ZC3H12A: variants seen among roughly 807,000 people sequenced by gnomAD.
ZC3H12A encodes the protein zinc finger CCCH-type containing 12A.
A neutral mutation model predicts 29.9 loss-of-function variants in ZC3H12A; 9 were observed. The ratio of observed to expected loss-of-function variants is 0.30; its 90% CI spans 0.18 to 0.53. ZC3H12A has a LOEUF of 0.53. Ranked by LOEUF, ZC3H12A falls within the 20% of genes least tolerant of loss-of-function variation. The probability of loss-of-function intolerance (pLI) is 0.96; values close to 1 mark genes in which losing one functional copy is unlikely to be tolerated. For synonymous variants in ZC3H12A, 323 were observed against 338.1 expected (o/e 0.96, Z 0.49); for missense variants, 617 against 799.0 (o/e 0.77, Z 2.75).
intron 4 of ZC3H12A, among the ~76,000 whole-genome samples, chr1:37,482,170 G>A (rs1449053690): frequency 6.6e-6 from 1 of 152,204 alleles, no homozygotes; most frequent in Non-Finnish European, 1.5e-5. Flanking sequence ...GGGCCAGTGG[G>A]TGCGGGCTGC....
At chr1:37,482,408 C>G in intron 4 of ZC3H12A, 26 bp from the exon 5 acceptor site, 5 of 1,592,998 alleles carry the variant, frequency 3.1e-6, no homozygotes, top group Non-Finnish European at 4.3e-6. Context: ...CTCCCACCTC[C>G]AGAGAGTTCT....
rs777018503 is a variant in ZC3H12A at position 37,475,776 on chromosome 1, C to A, written c.280C>A (p.Arg94=). The change falls in exon 2 of 6, where the codon CGG becomes AGG. Residue 94 remains arginine (R), a synonymous_variant. Transcript: ENST00000373087. The surrounding 1 kb of genome is among the most constrained non-coding windows in gnomAD (Gnocchi z 5.2). ...GGTGAAACACGGGACAGCCACCGAG[C>A]GGGAGCGCCAGACCTCACCGGACCC... is the stretch of plus-strand genomic sequence containing the variant. ...ELVKHGTATE[R]ERQTSPDPCP... is the part of the protein sequence containing the mutation. The A allele has an allele frequency of 3.7e-6, 6 of 1,613,360 alleles. No homozygotes were observed. The East Asian group carries it at 1.3e-4, about 36-fold the overall frequency.
In ZC3H12A at chr1:37,483,759, A is replaced by C; in HGVS notation, c.*148A>C. Reference sequence around the variant, plus strand: ...TTCAAGTCGGGAAGGAAACCCACAAACCAAAGATACTGTAGGATTGGTTCT... The same window carrying C: ...TTCAAGTCGGGAAGGAAACCCACAACCCAAAGATACTGTAGGATTGGTTCT... On this transcript the variant is annotated 3_prime_UTR_variant, in exon 6 of 6. Transcript: ENST00000373087. 9.4e-7 allele frequency: 1 copy of C among 1,066,366 alleles called. No homozygotes were observed. The highest frequency in any genetic ancestry group is 1.3e-6 in the Non-Finnish European group (1 of 762,310). 66.1% of individuals were successfully genotyped at this position (1,066,366 alleles called of 1,614,324 possible).
chr1:37,482,645 A>T (rs530698376), intron 5 of ZC3H12A, 92 bp from the exon 6 acceptor site: 1 of 1,609,774 alleles, frequency 6.2e-7, no homozygotes, highest in South Asian at 1.1e-5. Flanking sequence ...CCATTGGACC[A>T]CCCAACCCCG....
Position 37,482,464 on chromosome 1 carries a change from G to C in ZC3H12A, c.849G>C (p.Arg283=), listed in dbSNP as rs751345837. ...TGCCCCCTGATGACCCACTGGGCCGGCACGGGCCCAGCCTGGACAACTTCC... is the reference window on the plus strand; with the variant it reads ...TGCCCCCTGATGACCCACTGGGCCGCCACGGGCCCAGCCTGGACAACTTCC... ...KFMPPDDPLG[R]HGPSLDNFLR... is the part of the protein sequence containing the mutation. Residue 283 remains arginine (R), a synonymous_variant, in exon 5 of 6, where the codon CGG becomes CGC. Coordinates refer to ENST00000373087, the MANE Select transcript of ZC3H12A (RefSeq NM_025079.3). 1.2e-6 allele frequency: 2 copies of C among 1,613,984 alleles called. No individual in the cohort carries two copies. The highest frequency in any genetic ancestry group is 1.7e-4 in the Middle Eastern group (1 of 6,060).
In ZC3H12A at chr1:37,483,407, A is replaced by T. The variant is rs1641758454; in HGVS notation, c.1596A>T (p.Pro532=). The change falls in exon 6 of 6, where the codon CCA becomes CCT. Residue 532 remains proline (P), a synonymous_variant. Transcript: ENST00000373087. ...PPPTSVLQEP[P]VQSPGAGRSP... Reference sequence around the variant, plus strand: ...CCACATCAGTCCTTCAGGAGCCCCCAGTGCAGAGCCCAGGGGCTGGCAGGA... The same window carrying T: ...CCACATCAGTCCTTCAGGAGCCCCCTGTGCAGAGCCCAGGGGCTGGCAGGA... 1 of 1,613,834 alleles carries T rather than the reference A, an allele frequency of 6.2e-7. No individual in the cohort carries two copies. The highest frequency in any genetic ancestry group is 1.7e-5 in the Admixed American group (1 of 60,004).
chr1:37,483,892 C>T lies in ZC3H12A; in HGVS notation c.*281C>T, dbSNP rs570246166. ...AAGGAGACGCTGCCGGTAACGGCGT[C>T]GGTCCGTGGCTGAGGCCCAAACCGT... On this transcript the variant is annotated 3_prime_UTR_variant, in exon 6 of 6. Transcript: ENST00000373087. The T allele has an allele frequency of 2.8e-5, 11 of 386,414 alleles. No individual in the cohort carries two copies. The highest frequency in any genetic ancestry group is 7.1e-4 in the Middle Eastern group (1 of 1,414). The allele number at this position is 386,414 out of a possible 1,614,324, so 23.9% of individuals were successfully genotyped here. A position where few individuals can be genotyped will look rare whatever the true frequency, so the allele number is the denominator to read the frequency against.
chr1:37,474,811 CCCAAGTTGGGAGAG>C (rs1641547045), intron 1 of ZC3H12A, among the ~76,000 whole-genome samples, 182 bp downstream of exon 1: 1 of 152,116 alleles, frequency 6.6e-6, no homozygotes, highest in Non-Finnish European at 1.5e-5. Flanking sequence ...TCCAACTTTG[CCCAAGTTGGGAGAG>C]CCGGGGAAGA....
In ZC3H12A at chr1:37,483,259, C is replaced by A. The variant is rs763367213; in HGVS notation, c.1448C>A (p.Ala483Asp). ...PYGSELPATA[A>D]FSAFGRAMGA... ...GGATCTGAGCTCCCAGCCACCGCAG[C>A]CTTCTCTGCCTTTGGCCGGGCCATG... The change falls in exon 6 of 6, where the codon GCC (alanine) becomes GAC (aspartate). Residue 483 changes from alanine to aspartate, a missense_variant. This residue lies in a region of ZC3H12A where 172 missense variants were observed against 203.1 expected (regional missense o/e 0.85). Transcript: ENST00000373087. The A allele has an allele frequency of 9.9e-6, 16 of 1,614,030 alleles. No homozygotes were observed. Among genetic ancestry groups the A allele is most frequent in the East Asian group, 2.2e-5 (1 of 44,878 alleles).
chr1:37,483,845 A>G lies in ZC3H12A; in HGVS notation c.*234A>G. 1 of 563,986 alleles carries G rather than the reference A, an allele frequency of 1.8e-6. No homozygotes were observed. Among genetic ancestry groups the G allele is most frequent in the Non-Finnish European group, 3.1e-6 (1 of 322,682 alleles). The allele number at this position is 563,986 out of a possible 1,614,324, so 34.9% of individuals were successfully genotyped here. On this transcript the variant is annotated 3_prime_UTR_variant, in exon 6 of 6. Coordinates refer to ENST00000373087, the MANE Select transcript of ZC3H12A (RefSeq NM_025079.3). ...GGTCAGAAGCGATCACCCTGTTGAT[A>G]CACATTGTATCTCTGTAGTTTAAGG...
rs765016854 is a variant in ZC3H12A at position 37,475,709 on chromosome 1, G to A, written c.213G>A (p.Lys71=). Residue 71 remains lysine (K), a synonymous_variant, in exon 2 of 6, where the codon AAG becomes AAA. Coordinates refer to ENST00000373087, the MANE Select transcript of ZC3H12A (RefSeq NM_025079.3). The surrounding 1 kb of genome is among the most constrained non-coding windows in gnomAD (Gnocchi z 5.2). ...SSTEIHSVLQ[K]LGVQADTNTV... ...CGGAGATCCACAGCGTCCTGCAGAAGCTGGGCGTCCAGGCAGACACCAACA... is the reference window on the plus strand; with the variant it reads ...CGGAGATCCACAGCGTCCTGCAGAAACTGGGCGTCCAGGCAGACACCAACA... 3 of 1,614,150 alleles carry A rather than the reference G, an allele frequency of 1.9e-6. No individual in the cohort carries two copies. Among genetic ancestry groups the A allele is most frequent in the South Asian group, 2.2e-5 (2 of 91,090 alleles).
In ZC3H12A at chr1:37,475,970, G is replaced by T. The variant is rs760686984; in HGVS notation, c.443+31G>T. ...TGTCACTTCTGTGGCCAGGACACAT[G>T]AGGTTCGCATCTCTCCTGTGGCCAG... On this transcript the variant is annotated intron_variant, in intron 2 of 5. Coordinates refer to ENST00000373087, the MANE Select transcript of ZC3H12A (RefSeq NM_025079.3). The surrounding 1 kb of genome is among the most constrained non-coding windows in gnomAD (Gnocchi z 5.2). 2 of 1,483,630 alleles carry T rather than the reference G, an allele frequency of 1.3e-6. No individual in the cohort carries two copies. Among genetic ancestry groups the T allele is most frequent in the Admixed American group, 2.4e-5 (1 of 42,030 alleles). 91.9% of individuals were successfully genotyped at this position (1,483,630 alleles called of 1,614,324 possible).
chr1:37,482,666 C>T, intron 5 of ZC3H12A, 71 bp from the exon 6 acceptor site: 1 of 1,611,332 alleles, frequency 6.2e-7, no homozygotes, highest in Admixed American at 1.7e-5. Context: ...TTTCCTGTGC[C>T]ACCCCTTCCC....
Position 37,475,344 on chromosome 1 carries a change from T to G in ZC3H12A, c.-38-115T>G, listed in dbSNP as rs1425729843. On this transcript the variant is annotated intron_variant, in intron 1 of 5. Transcript: ENST00000373087. The surrounding 1 kb of genome is among the most constrained non-coding windows in gnomAD (Gnocchi z 5.2). ...GAGCTTTTGAGAGGACAACCTGAACTAATAACACGATGCAGTGTGTAGTGC... is the reference window on the plus strand; with the variant it reads ...GAGCTTTTGAGAGGACAACCTGAACGAATAACACGATGCAGTGTGTAGTGC... 5 of 813,678 alleles carry G rather than the reference T, an allele frequency of 6.1e-6. No homozygotes were observed. The East Asian group carries it at 7.5e-5, about 12-fold the overall frequency. 50.4% of individuals were successfully genotyped at this position (813,678 alleles called of 1,614,324 possible). A position where few individuals can be genotyped will look rare whatever the true frequency, so the allele number is the denominator to read the frequency against.
rs753581402 is a variant in ZC3H12A at position 37,476,539 on chromosome 1, C to A, written c.443+600C>A. Among the ~76,000 whole-genome samples, 10 of 152,178 alleles carry A rather than the reference C, an allele frequency of 6.6e-5. No homozygotes were observed. Among genetic ancestry groups the A allele is most frequent in the Non-Finnish European group, 1.0e-4 (7 of 68,032 alleles). Reference sequence around the variant, plus strand: ...GGCAGGTGGCCTGATGCTCTGGCCTCAGGCGAGCTGCAACTTGGATCCCTA... The same window carrying A: ...GGCAGGTGGCCTGATGCTCTGGCCTAAGGCGAGCTGCAACTTGGATCCCTA... On this transcript the variant is annotated intron_variant, in intron 2 of 5. Transcript: ENST00000373087. The surrounding 1 kb of genome is among the most constrained non-coding windows in gnomAD (Gnocchi z 6.0).
At position 37,482,558 on chromosome 1, in the gene ZC3H12A, C is replaced by T. The variant is rs541079205; in HGVS notation, c.925+18C>T. On this transcript the variant is annotated intron_variant, in intron 5 of 5. Transcript: ENST00000373087. ...TCCCTATGGTATGGAACCCAGCCTGCCCTCCCCGGCCCTCCTCACTCCTGC... is the reference window on the plus strand; with the variant it reads ...TCCCTATGGTATGGAACCCAGCCTGTCCTCCCCGGCCCTCCTCACTCCTGC... The T allele has an allele frequency of 3.7e-6, 6 of 1,612,644 alleles. No individual in the cohort carries two copies. The East Asian group carries it at 1.3e-4, about 36-fold the overall frequency.
chr1:37,475,794 C>A lies in ZC3H12A; in HGVS notation c.298C>A (p.Pro100Thr). 6.2e-7 allele frequency: 1 copy of A among 1,612,656 alleles called. No individual in the cohort carries two copies. Among genetic ancestry groups the A allele is most frequent in the Non-Finnish European group, 8.5e-7 (1 of 1,179,270 alleles). ...TATERERQTS[P>T]DPCPQLPLVP... ...CACCGAGCGGGAGCGCCAGACCTCACCGGACCCCTGCCCTCAGCTCCCTCT... is the reference window on the plus strand; with the variant it reads ...CACCGAGCGGGAGCGCCAGACCTCAACGGACCCCTGCCCTCAGCTCCCTCT... The change falls in exon 2 of 6, where the codon CCG (proline) becomes ACG (threonine). Residue 100 changes from proline to threonine, a missense_variant. Pro to Thr is a conservative substitution (Grantham distance 38, BLOSUM62 -1). Around this residue, in one of 5 missense-constraint regions of ZC3H12A, gnomAD observed 255 missense variants for 402.5 expected, o/e 0.63. Transcript: ENST00000373087. The surrounding 1 kb of genome is among the most constrained non-coding windows in gnomAD (Gnocchi z 5.2).
In ZC3H12A at chr1:37,483,233, T is replaced by C. The variant is rs768722606; in HGVS notation, c.1422T>C (p.Tyr474=). The change falls in exon 6 of 6, where the codon TAT becomes TAC. Residue 474 remains tyrosine, a synonymous_variant. Coordinates refer to ENST00000373087, the MANE Select transcript of ZC3H12A (RefSeq NM_025079.3). The part of the protein sequence containing the change: ...PRAPYTGYSP[Y]GSELPATAAF... ...CCCCTTACACGGGCTACAGTCCCTA[T>C]GGATCTGAGCTCCCAGCCACCGCAG... The C allele has an allele frequency of 8.7e-6, 14 of 1,613,710 alleles. No homozygotes were observed. The highest frequency in any genetic ancestry group is 2.2e-5 in the East Asian group (1 of 44,878).
chr1:37,475,807 C>G lies in ZC3H12A; in HGVS notation c.311C>G (p.Pro104Arg), dbSNP rs748697904. The change falls in exon 2 of 6, where the codon CCT (proline) becomes CGT (arginine). Residue 104 changes from proline to arginine, a missense_variant. This residue lies in a region of ZC3H12A where 255 missense variants were observed against 402.5 expected (regional missense o/e 0.63). Transcript: ENST00000373087. This position sits in a 1 kb window ranked among gnomAD's most constrained non-coding sequence, Gnocchi z 5.2. ...CGCCAGACCTCACCGGACCCCTGCC[C>G]TCAGCTCCCTCTAGTCCCGCGGGGT... is the stretch of plus-strand genomic sequence containing the variant. The part of the protein sequence containing the change: ...RERQTSPDPC[P>R]QLPLVPRGGG... 5 of 1,611,680 alleles carry G rather than the reference C, an allele frequency of 3.1e-6. No individual in the cohort carries two copies. Among genetic ancestry groups the G allele is most frequent in the Non-Finnish European group, 4.2e-6 (5 of 1,178,642 alleles).
Sources: gnomAD v4.1 joint callset for allele counts (sites outside exome capture counted in the v4.1 genomes callset) on GRCh38, gnomAD v4.1.1 for gene constraint, gnomAD v4.1.1 regional missense constraint, Gnocchi (gnomAD v3.1) non-coding constraint, MANE v1.5 for transcripts, NCBI Gene and HGNC (gene_info 2026-07-23, HGNC 2026-07-21) for gene names.